AK8: variants seen among roughly 807,000 people sequenced by gnomAD.
The protein encoded by AK8 is adenylate kinase 8, also known as ATP-AMP transphosphorylase 8.
Under a neutral mutation model 54.6 loss-of-function variants are expected in AK8, and 44 were observed. The observed-to-expected ratio is 0.81, with a 90% CI of 0.63 to 1.04. AK8 has a LOEUF of 1.04. AK8 is among the 50% of genes least tolerant of loss of function. AK8 has a pLI of 0.00. For missense variants in AK8, 555 were observed against 613.6 expected, an observed-to-expected ratio of 0.90 and a Z score of 1.01; for synonymous variants, 239 against 245.6, an observed-to-expected ratio of 0.97 and a Z score of 0.25.
At chr9:132,800,956 G>A (rs1051023981) in intron 10 of AK8, among the ~76,000 whole-genome samples, 14 of 135,530 alleles carry the variant, frequency 1.0e-4, no homozygotes, top group Non-Finnish European at 1.5e-4. Flanking sequence ...GAGTAGTCTC[G>A]CTCTGTCGCC....
At chr9:132,877,987 A>G in intron 1 of AK8, 185 bp downstream of exon 1, 3 of 1,450,534 alleles carry the variant, frequency 2.1e-6, no homozygotes, top group Non-Finnish European at 2.8e-6. Flanking sequence ...GGGCAGGACC[A>G]GGAGCGTCCC....
At chr9:132,765,292 C>CAAAAAAAAAAAAAAAAAA (rs61495439) in intron 11 of AK8, among the ~76,000 whole-genome samples, 24 of 62,796 alleles carry the variant, frequency 3.8e-4, no homozygotes, top group African/African-American at 1.5e-3. Context: ...GACTCCATTT[C>CAAAAAAAAAAAAAAAAAA]AAAAAAAAAA....
At chr9:132,849,930 A>G (rs1300434083) in intron 5 of AK8, among the ~76,000 whole-genome samples, 3 of 151,430 alleles carry the variant, frequency 2.0e-5, no homozygotes, top group African/African-American at 7.3e-5. Flanking sequence ...TATGTTTAGT[A>G]GAGACAGGGT....
chr9:132,793,718 A>T (rs1564404128), intron 10 of AK8, among the ~76,000 whole-genome samples: 1 of 152,230 alleles, frequency 6.6e-6, no homozygotes, highest in Non-Finnish European at 1.5e-5. Context: ...CAGACTCATT[A>T]AATGTCCTAT....
intron 11 of AK8, among the ~76,000 whole-genome samples, chr9:132,780,358 T>C (rs1839410755): frequency 6.6e-6 from 1 of 152,178 alleles, no homozygotes; most frequent in African/African-American, 2.4e-5. Flanking sequence ...GACAGCCCCT[T>C]GTGCCTGGGG....
At chr9:132,827,184 C>T in intron 7 of AK8, 130 bp from the exon 8 acceptor site, 1 of 844,248 alleles carries the variant, frequency 1.2e-6, no homozygotes. Context: ...CTGACCACGG[C>T]AGGACACCGT....
rs984993108 is a variant in AK8, at chr9:132,770,174, T to TG, written c.1121+22459dup. On this transcript the variant is annotated intron_variant, in intron 11 of 12. Transcript: ENST00000298545. This position sits in a 1 kb window ranked among gnomAD's most constrained non-coding sequence, Gnocchi z 4.3. Reference sequence around the variant, plus strand: ...AGGGAAACGGAACCAGGGGAAGGCCTGGGGGGGTCACACTCGTGCCCCTTG... The same window carrying TG: ...AGGGAAACGGAACCAGGGGAAGGCCTGGGGGGGGTCACACTCGTGCCCCTTG... 1.1e-4 allele frequency: 16 copies of TG among 152,232 alleles called. No homozygotes were observed. The highest frequency in any genetic ancestry group is 1.9e-4 in the East Asian group (1 of 5,138). 9.4% of individuals were successfully genotyped at this position (152,232 alleles called of 1,614,324 possible). A position where few individuals can be genotyped will look rare whatever the true frequency, so the allele number is the denominator to read the frequency against.
rs11284702 is a variant in AK8 at position 132,832,147 on chromosome 9, T to TAA, written c.403-3423_403-3422dup. Among the ~76,000 whole-genome samples, 550 of 105,358 alleles carry TAA rather than the reference T, an allele frequency of 5.2e-3. 4 individuals are homozygous for TAA. Among genetic ancestry groups the TAA allele is most frequent in the African/African-American group, 0.016 (404 of 25,450 alleles). The allele number at this position is 105,358 out of a possible 152,430, so 69.1% of individuals were successfully genotyped here. A position where few individuals can be genotyped will look rare whatever the true frequency, so the allele number is the denominator to read the frequency against. ...GGTTCCCGTAGCCTCCACTGACATT[T>TAA]AAAAAAAAAAAAAAAAAAAACCTAA... On this transcript the variant is annotated intron_variant, in intron 5 of 12. Transcript: ENST00000298545.
intron 11 of AK8, among the ~76,000 whole-genome samples, chr9:132,759,017 G>T (rs555101611): frequency 6.6e-6 from 1 of 151,714 alleles, no homozygotes; most frequent in Admixed American, 6.6e-5. Flanking sequence ...TGGCAAAACG[G>T]CAAAACCCTG....
chr9:132,853,538 G>A (rs1008079689), intron 5 of AK8, among the ~76,000 whole-genome samples: 12 of 151,970 alleles, frequency 7.9e-5, no homozygotes, highest in Non-Finnish European at 1.2e-4. Flanking sequence ...GCTCATGCCT[G>A]TAATCTCAAC....
intron 9 of AK8, among the ~76,000 whole-genome samples, chr9:132,815,140 T>C (rs1241809135): frequency 6.6e-6 from 1 of 152,230 alleles, no homozygotes; most frequent in Non-Finnish European, 1.5e-5. Context: ...CTCAAGTGCG[T>C]CCACATTTGC....
At chr9:132,858,616 G>A (rs967059575) in intron 4 of AK8, among the ~76,000 whole-genome samples, 11 of 152,188 alleles carry the variant, frequency 7.2e-5, no homozygotes, top group African/African-American at 1.9e-4. Flanking sequence ...CCTGGTAGAC[G>A]AGGGAAACCC....
Position 132,775,447 on chromosome 9 carries a change from C to T in AK8, c.1121+17187G>A, listed in dbSNP as rs1267937737. ...CCTCCCAAGTAGCTGGAATTACAGG[C>T]GTGCACCACCATGCCCGGCTAATTT... On this transcript the variant is annotated intron_variant, in intron 11 of 12. Transcript: ENST00000298545. Among the ~76,000 whole-genome samples, 5 of 152,218 alleles carry T rather than the reference C, an allele frequency of 3.3e-5. No individual in the cohort carries two copies. In the East Asian group the frequency reaches 5.8e-4, roughly 18 times the overall value.
intron 8 of AK8, among the ~76,000 whole-genome samples, chr9:132,825,423 GA>G (rs1285102823): frequency 6.6e-6 from 1 of 152,064 alleles, no homozygotes; most frequent in Non-Finnish European, 1.5e-5. Flanking sequence ...AAGTAATTTG[GA>G]AGTAATTAAT....
Position 132,799,896 on chromosome 9 carries a change from TGGTCC to T in AK8, c.980-7126_980-7122del, listed in dbSNP as rs1554793398. 2.6e-5 allele frequency among the ~76,000 whole-genome samples: 4 copies of T among 152,138 alleles called. No homozygotes were observed. The highest frequency in any genetic ancestry group is 5.9e-5 in the Non-Finnish European group (4 of 68,008). ...CTGGCATTTGCTTCTCTTTCTCCTGTGGTCCCTGGGTCCCTGGGTCCCGCCCCTCC... is the reference window on the plus strand; with the variant it reads ...CTGGCATTTGCTTCTCTTTCTCCTGTCTGGGTCCCTGGGTCCCGCCCCTCC... On this transcript the variant is annotated intron_variant, in intron 10 of 12. Coordinates refer to ENST00000298545, the MANE Select transcript of AK8 (RefSeq NM_152572.3). This position sits in a 1 kb window ranked among gnomAD's most constrained non-coding sequence, Gnocchi z 5.0.
Position 132,877,639 on chromosome 9 carries a change from C to G in AK8, c.84+533G>C, listed in dbSNP as rs535770484. ...GCCAGAATGAGAGCTTCGGAGCTGC[C>G]GGGGACGTCTGGCCCTGAGGAGGAG... On this transcript the variant is annotated intron_variant, in intron 1 of 12. Transcript: ENST00000298545. 1,338 of 331,562 alleles carry G rather than the reference C, an allele frequency of 4.0e-3. 9 individuals carry two copies. Among genetic ancestry groups the G allele is most frequent in the Non-Finnish European group, 5.6e-3 (916 of 164,370 alleles). 20.5% of individuals were successfully genotyped at this position (331,562 alleles called of 1,614,324 possible).
At chr9:132,796,770 T>TACACACACACACAC (rs10590924) in intron 10 of AK8, among the ~76,000 whole-genome samples, 15 of 142,414 alleles carry the variant, frequency 1.1e-4, no homozygotes, top group Admixed American at 9.8e-4. Flanking sequence ...ACATACATGC[T>TACACACACACACAC]ACACACACAC....
At chr9:132,846,000 G>A (rs562087601) in intron 5 of AK8, among the ~76,000 whole-genome samples, 4 of 152,198 alleles carry the variant, frequency 2.6e-5, no homozygotes, top group Admixed American at 6.5e-5. Context: ...AGGGCAGTGC[G>A]GCTTCAAGGG....
chr9:132,802,606 C>T (rs781648931), intron 10 of AK8, among the ~76,000 whole-genome samples: 11 of 152,058 alleles, frequency 7.2e-5, no homozygotes, highest in Non-Finnish European at 1.3e-4. Context: ...CCATTCCAAG[C>T]GTGCCCTCCC....
Sources: gnomAD v4.1 joint callset for allele counts (sites outside exome capture counted in the v4.1 genomes callset) on GRCh38, gnomAD v4.1.1 for gene constraint, Gnocchi (gnomAD v3.1) non-coding constraint, MANE v1.5 for transcripts, NCBI Gene and HGNC (gene_info 2026-07-23, HGNC 2026-07-21) for gene names.